The following RFX8 variants were observed in gnomAD, a reference collection of about 807,000 sequenced individuals.
The protein encoded by RFX8 is DNA-binding protein RFX8.
In RFX8, 46 loss-of-function variants were observed where a neutral mutation model predicts 54.6. The ratio of observed to expected loss-of-function variants is 0.84; its 90% CI spans 0.67 to 1.08. The LOEUF (loss-of-function observed/expected upper bound fraction) is 1.08, where lower values mean the gene tolerates loss of function less well. RFX8 is among the 50% of genes least tolerant of loss of function. The pLI is 0.00. For missense variants in RFX8, 536 were observed against 562.3 expected (o/e 0.95, Z 0.47); for synonymous variants, 192 against 209.5 (o/e 0.92, Z 0.72).
At chr2:101,427,798 A>G (rs1468505007) in intron 2 of RFX8, among the ~76,000 whole-genome samples, 2 of 152,084 alleles carry the variant, frequency 1.3e-5, no homozygotes, top group African/African-American at 2.4e-5. Context: ...TAGCTTCCCG[A>G]CTACAAAACT....
At chr2:101,468,769 C>G (rs1689722269) in intron 1 of RFX8, among the ~76,000 whole-genome samples, 1 of 151,310 alleles carries the variant, frequency 6.6e-6, no homozygotes, top group African/African-American at 2.4e-5. Context: ...CAACCCAGTA[C>G]AGGCATCAAG....
rs145838220 is a variant in RFX8 at position 101,426,391 on chromosome 2, C to T, written c.73-3919G>A. 2.9e-3 allele frequency among the ~76,000 whole-genome samples: 444 copies of T among 152,092 alleles called. 5 individuals carry two copies. Among genetic ancestry groups the T allele is most frequent in the African/African-American group, 0.01 (421 of 41,498 alleles). On this transcript the variant is annotated intron_variant, in intron 2 of 11. Transcript: ENST00000428343. The stretch of plus-strand genomic sequence containing the variant: ...AAACATTTCTGGGCATGGTGACATA[C>T]GCCTGTAGTCCTAAATACTCAGGAG...
intron 2 of RFX8, among the ~76,000 whole-genome samples, chr2:101,461,040 G>C (rs1006812616): frequency 9.2e-5 from 14 of 151,384 alleles, no homozygotes; most frequent in Admixed American, 6.6e-5. Flanking sequence ...AGGCCGAGGT[G>C]GGCAGATCAC....
chr2:101,409,838 A>G (rs1290846577), intron 9 of RFX8, among the ~76,000 whole-genome samples: 1 of 151,826 alleles, frequency 6.6e-6, no homozygotes, highest in Non-Finnish European at 1.5e-5. Context: ...AGCTCTCCCC[A>G]CCTGCCCTGA....
chr2:101,445,773 G>T (rs1688342405), intron 2 of RFX8, among the ~76,000 whole-genome samples: 1 of 152,014 alleles, frequency 6.6e-6, no homozygotes, highest in Non-Finnish European at 1.5e-5. Context: ...GCTAATAAAA[G>T]GAGAGACCTT....
chr2:101,474,360 C>T, intron 1 of RFX8: 1 of 414,814 alleles, frequency 2.4e-6, no homozygotes, highest in Non-Finnish European at 4.2e-6. Context: ...CTGCTACCGC[C>T]GCTCCTCGGT....
intron 2 of RFX8, among the ~76,000 whole-genome samples, chr2:101,429,237 G>C (rs1293173247): frequency 6.6e-6 from 1 of 152,136 alleles, no homozygotes; most frequent in Non-Finnish European, 1.5e-5. Flanking sequence ...TATTTTTAAA[G>C]GTTTCTTTCC....
chr2:101,468,784 T>A (rs1276122826), intron 1 of RFX8, among the ~76,000 whole-genome samples: 1 of 151,326 alleles, frequency 6.6e-6, no homozygotes, highest in East Asian at 1.9e-4. Flanking sequence ...ATCAAGGAAG[T>A]AGATTTTTCT....
At chr2:101,450,603 C>CT in intron 2 of RFX8, 1 of 1,485,554 alleles carries the variant, frequency 6.7e-7, no homozygotes, top group Non-Finnish European at 9.1e-7. Flanking sequence ...CCTGTGATAC[C>CT]TTTTTTCACC....
At chr2:101,439,597 A>ATTT (rs59003125) in intron 2 of RFX8, among the ~76,000 whole-genome samples, 1 of 145,790 alleles carries the variant, frequency 6.9e-6, no homozygotes. Flanking sequence ...ATTGAAGTTC[A>ATTT]TTTTTTTTTT....
chr2:101,436,876 A>T (rs1161572745), intron 2 of RFX8, among the ~76,000 whole-genome samples: 1 of 152,144 alleles, frequency 6.6e-6, no homozygotes, highest in Non-Finnish European at 1.5e-5. Context: ...GTGCGTCCAG[A>T]GGAAAAGCAA....
chr2:101,469,052 AT>A (rs1179575890), intron 1 of RFX8, among the ~76,000 whole-genome samples: 27 of 32,230 alleles, frequency 8.4e-4, no homozygotes, highest in South Asian at 6.4e-3. Flanking sequence ...GTATATATAT[AT>A]ACGTATATAT....
chr2:101,469,300 G>A (rs1296278887), intron 1 of RFX8, among the ~76,000 whole-genome samples: 1 of 134,772 alleles, frequency 7.4e-6, no homozygotes, highest in Non-Finnish European at 1.6e-5. Flanking sequence ...GACTACAGGC[G>A]TGTGACCATG....
chr2:101,460,441 G>A (rs1321370610), intron 2 of RFX8, among the ~76,000 whole-genome samples: 2 of 151,234 alleles, frequency 1.3e-5, no homozygotes, highest in East Asian at 2.0e-4. Context: ...CACTTTCTGG[G>A]TTTGATTAGT....
intron 6 of RFX8, 125 bp downstream of exon 6, chr2:101,417,409 T>A: frequency 2.5e-6 from 2 of 814,596 alleles, no homozygotes; most frequent in Non-Finnish European, 3.8e-6. Context: ...TCTCACTATG[T>A]TGCCCGGGCT....
At chr2:101,418,776 G>A (rs369995175) in intron 5 of RFX8, 75 bp downstream of exon 5, 238 of 846,244 alleles carry the variant, frequency 2.8e-4, no homozygotes, top group South Asian at 2.2e-4. Flanking sequence ...GAGAGGTGGA[G>A]CTGTGGGTCC....
At chr2:101,428,971 G>T (rs748536097) in intron 2 of RFX8, 4 of 1,530,684 alleles carry the variant, frequency 2.6e-6, no homozygotes, top group Non-Finnish European at 2.6e-6. Context: ...CTTCTTGTTG[G>T]ATAATGCTGT....
intron 7 of RFX8, among the ~76,000 whole-genome samples, chr2:101,413,999 G>A (rs1216659520): frequency 2.4e-4 from 36 of 152,306 alleles, no homozygotes; most frequent in Non-Finnish European, 7.3e-5. Flanking sequence ...GGTGCTCACA[G>A]GACTTGAGAG....
chr2:101,428,295 G>A (rs997382880), intron 2 of RFX8, among the ~76,000 whole-genome samples: 1 of 152,186 alleles, frequency 6.6e-6, no homozygotes, highest in Non-Finnish European at 1.5e-5. Context: ...GGTATTTGGA[G>A]GTGGGGCCTC....
Sources: gnomAD v4.1 joint callset for allele counts (sites outside exome capture counted in the v4.1 genomes callset) on GRCh38, gnomAD v4.1.1 for gene constraint, MANE v1.5 for transcripts, NCBI Gene and HGNC (gene_info 2026-07-23, HGNC 2026-07-21) for gene names.